The following RAB30 variants were observed in gnomAD, a reference collection of about 807,000 sequenced individuals.
RAB30 encodes the protein ras-related protein Rab-30.
RAB30 carries 9 observed loss-of-function variants against 25.1 expected under a neutral mutation model. The observed-to-expected ratio is 0.36, with a 90% CI of 0.22 to 0.63. The LOEUF (loss-of-function observed/expected upper bound fraction) is 0.63. Among genes scored for constraint, RAB30 ranks in the 20% least tolerant of loss-of-function variants. The pLI, the probability that RAB30 is intolerant of heterozygous loss-of-function variation, is 0.69. For synonymous variants in RAB30, 77 were observed against 86.4 expected (o/e 0.89, Z 0.60); for missense variants, 140 against 243.5 (o/e 0.58, Z 2.83).
intron 1 of RAB30, chr11:83,060,170 C>G (rs1461834996): frequency 6.6e-6 from 1 of 151,806 alleles, no homozygotes; most frequent in African/African-American, 2.4e-5. Flanking sequence ...CCACTGCACT[C>G]CATCCAACCT....
intron 1 of RAB30, among the ~76,000 whole-genome samples, chr11:83,004,872 G>A (rs536919050): frequency 9.2e-5 from 14 of 151,970 alleles, no homozygotes; most frequent in Admixed American, 1.3e-4. Context: ...CCATCTTTCC[G>A]CCTAACAAGG....
intron 4 of RAB30, among the ~76,000 whole-genome samples, chr11:82,984,448 G>A (rs886978872): frequency 3.3e-5 from 5 of 152,164 alleles, no homozygotes; most frequent in East Asian, 1.9e-4. Flanking sequence ...GGAAAATTAC[G>A]TGGACTGCTA....
intron 1 of RAB30, among the ~76,000 whole-genome samples, chr11:83,025,965 G>A (rs1380945736): frequency 6.6e-6 from 1 of 152,172 alleles, no homozygotes; most frequent in Admixed American, 6.5e-5. Context: ...AAGGTGGGAG[G>A]ATTGCTTGAG....
chr11:83,012,618 T>C (rs1857329249), intron 1 of RAB30, among the ~76,000 whole-genome samples: 1 of 152,170 alleles, frequency 6.6e-6, no homozygotes, highest in South Asian at 2.1e-4. Context: ...ATAGGGATAA[T>C]AACAGTACTT....
rs1335710799 is a variant in RAB30, at chr11:82,973,292, TTAA to T, written c.*8870_*8872del. The T allele has an allele frequency of 6.6e-6, 1 of 152,250 alleles. No individual in the cohort carries two copies. The highest frequency in any genetic ancestry group is 6.5e-5 in the Admixed American group (1 of 15,282). The allele number at this position is 152,250 out of a possible 1,614,324, so 9.4% of individuals were successfully genotyped here. A position where few individuals can be genotyped will look rare whatever the true frequency, so the allele number is the denominator to read the frequency against. ...TTTTACTCTCAGTATGAATTATTTCTTAATAATAGAAAACATAGGCTACAATGA... is the reference window on the plus strand; with the variant it reads ...TTTTACTCTCAGTATGAATTATTTCTTAATAGAAAACATAGGCTACAATGA... On this transcript the variant is annotated 3_prime_UTR_variant, in exon 5 of 5. Coordinates refer to ENST00000527633, the MANE Select transcript of RAB30 (RefSeq NM_001286060.2).
chr11:83,011,570 G>C (rs1295306908), intron 1 of RAB30, among the ~76,000 whole-genome samples: 1 of 152,206 alleles, frequency 6.6e-6, no homozygotes, highest in Non-Finnish European at 1.5e-5. Context: ...CTGGAAGACT[G>C]AATAATGTAG....
chr11:83,056,776 T>C (rs1411807130), intron 1 of RAB30, among the ~76,000 whole-genome samples: 1 of 152,222 alleles, frequency 6.6e-6, no homozygotes, highest in Non-Finnish European at 1.5e-5. Context: ...AGTTTTCTCA[T>C]GTGATTTTTG....
rs1214273156 is a variant in RAB30, at chr11:82,973,311, G to C, written c.*8854C>G. 2.0e-5 allele frequency: 3 copies of C among 152,002 alleles called. No homozygotes were observed. Among genetic ancestry groups the C allele is most frequent in the Non-Finnish European group, 4.4e-5 (3 of 68,002 alleles). 9.4% of individuals were successfully genotyped at this position (152,002 alleles called of 1,614,324 possible). A position where few individuals can be genotyped will look rare whatever the true frequency, so the allele number is the denominator to read the frequency against. On this transcript the variant is annotated 3_prime_UTR_variant, in exon 5 of 5. Coordinates refer to ENST00000527633, the MANE Select transcript of RAB30 (RefSeq NM_001286060.2). Reference sequence around the variant, plus strand: ...TATTTCTTAATAATAGAAAACATAGGCTACAATGAATGGACAGTCATATGG... The same window carrying C: ...TATTTCTTAATAATAGAAAACATAGCCTACAATGAATGGACAGTCATATGG...
intron 1 of RAB30, among the ~76,000 whole-genome samples, chr11:83,055,520 C>T (rs1858440310): frequency 6.6e-6 from 1 of 152,266 alleles, no homozygotes; most frequent in Admixed American, 6.5e-5. Flanking sequence ...CAGATCTACC[C>T]TGTCTTGGAA....
At chr11:83,068,520 C>A (rs1438961690) in intron 1 of RAB30, among the ~76,000 whole-genome samples, 2 of 152,176 alleles carry the variant, frequency 1.3e-5, no homozygotes, top group East Asian at 3.9e-4. Flanking sequence ...TAAAGCCAGG[C>A]TAGGTTCTCA....
chr11:83,060,762 A>C (rs367669818), intron 1 of RAB30, among the ~76,000 whole-genome samples: 2 of 152,154 alleles, frequency 1.3e-5, no homozygotes, highest in Non-Finnish European at 2.9e-5. Flanking sequence ...AAACCTAGTA[A>C]AGCATTATTT....
At chr11:83,012,773 G>A (rs1372622338) in intron 1 of RAB30, among the ~76,000 whole-genome samples, 1 of 152,150 alleles carries the variant, frequency 6.6e-6, no homozygotes, top group Non-Finnish European at 1.5e-5. Context: ...TTCTCCAGCA[G>A]GGCATGCAGA....
At chr11:83,036,562 C>T (rs761512770) in intron 1 of RAB30, among the ~76,000 whole-genome samples, 6 of 152,166 alleles carry the variant, frequency 3.9e-5, no homozygotes, top group Non-Finnish European at 7.3e-5. Context: ...TTTCTATGAG[C>T]CAGCTACTGT....
At chr11:83,020,416 A>C (rs1565279384) in intron 1 of RAB30, among the ~76,000 whole-genome samples, 1 of 152,202 alleles carries the variant, frequency 6.6e-6, no homozygotes, top group Non-Finnish European at 1.5e-5. Flanking sequence ...GACTTTAGGC[A>C]CCAACAAACA....
rs934245914 is a variant in RAB30 at position 82,977,476 on chromosome 11, A to G, written c.*4689T>C. 1 of 152,176 alleles carries G rather than the reference A, an allele frequency of 6.6e-6. No individual in the cohort carries two copies. The highest frequency in any genetic ancestry group is 1.5e-5 in the Non-Finnish European group (1 of 68,034). The allele number at this position is 152,176 out of a possible 1,614,324, so 9.4% of individuals were successfully genotyped here. On this transcript the variant is annotated 3_prime_UTR_variant, in exon 5 of 5. Transcript: ENST00000527633. Reference sequence around the variant, plus strand: ...CCTGCTCCAATCTCCAACCAATTGGATCCTCTCCACATCTTTGCCTCTTGA... The same window carrying G: ...CCTGCTCCAATCTCCAACCAATTGGGTCCTCTCCACATCTTTGCCTCTTGA...
intron 1 of RAB30, among the ~76,000 whole-genome samples, chr11:83,057,278 A>C (rs927537876): frequency 6.6e-6 from 1 of 152,150 alleles, no homozygotes; most frequent in Non-Finnish European, 1.5e-5. Context: ...AAAGATGAAA[A>C]AATAGATTTT....
intron 1 of RAB30, among the ~76,000 whole-genome samples, chr11:83,022,906 T>A (rs1054191354): frequency 6.6e-6 from 1 of 152,006 alleles, no homozygotes; most frequent in African/African-American, 2.4e-5. Context: ...GAGTTTCAGG[T>A]GAAGTGTTAT....
chr11:83,025,383 C>T (rs1045197026), intron 1 of RAB30, among the ~76,000 whole-genome samples: 2 of 152,350 alleles, frequency 1.3e-5, no homozygotes, highest in South Asian at 4.1e-4. Context: ...CCCTCACTCC[C>T]TCTGCAACCT....
intron 1 of RAB30, among the ~76,000 whole-genome samples, chr11:83,070,680 A>T (rs1418686008): frequency 6.6e-6 from 1 of 152,126 alleles, no homozygotes. Flanking sequence ...CAAGAGCATC[A>T]TGTAAGTCAG....
Sources: gnomAD v4.1 joint callset for allele counts (sites outside exome capture counted in the v4.1 genomes callset) on GRCh38, gnomAD v4.1.1 for gene constraint, MANE v1.5 for transcripts, NCBI Gene and HGNC (gene_info 2026-07-23, HGNC 2026-07-21) for gene names.